The following SEMA3A variants were observed in gnomAD, a reference collection of about 807,000 sequenced individuals.
SEMA3A encodes the protein semaphorin 3A.
A neutral mutation model predicts 97.9 loss-of-function variants in SEMA3A; 29 were observed. That is an observed-to-expected ratio of 0.30 (90% confidence interval 0.22 to 0.40). The LOEUF (loss-of-function observed/expected upper bound fraction) is 0.40, where lower values mean the gene tolerates loss of function less well. Ranked by LOEUF, SEMA3A falls within the 10% of genes least tolerant of loss-of-function variation. The probability of loss-of-function intolerance (pLI) is 1.00; values close to 1 mark genes in which losing one functional copy is unlikely to be tolerated. For synonymous variants in SEMA3A, 321 were observed against 323.7 expected (o/e 0.99, Z 0.09); for missense variants, 763 against 951.3 (o/e 0.80, Z 2.60).
intron 12 of SEMA3A, among the ~76,000 whole-genome samples, chr7:83,996,161 T>G (rs1045770187): frequency 6.6e-6 from 1 of 152,140 alleles, no homozygotes; most frequent in Admixed American, 6.6e-5. Flanking sequence ...CTAGTTAAAA[T>G]AAAAATCAGC....
chr7:84,475,110 G>T (rs1024404535), intron 1 of SEMA3A, among the ~76,000 whole-genome samples: 1 of 152,104 alleles, frequency 6.6e-6, no homozygotes, highest in Non-Finnish European at 1.5e-5. Flanking sequence ...GGTCCCAGGA[G>T]TGCAGGGGCT....
intron 2 of SEMA3A, among the ~76,000 whole-genome samples, chr7:84,330,570 C>G (rs1384171225): frequency 6.6e-6 from 1 of 152,016 alleles, no homozygotes; most frequent in African/African-American, 2.4e-5. Flanking sequence ...ACATTTTCAT[C>G]TCTTATCACT....
chr7:84,244,010 T>A (rs1799424686), intron 3 of SEMA3A, among the ~76,000 whole-genome samples: 1 of 152,198 alleles, frequency 6.6e-6, no homozygotes, highest in South Asian at 2.1e-4. Context: ...GTGTTTTACT[T>A]CCAATAATGT....
At chr7:84,438,130 G>A (rs1018240809) in intron 1 of SEMA3A, among the ~76,000 whole-genome samples, 7 of 152,012 alleles carry the variant, frequency 4.6e-5, no homozygotes, top group African/African-American at 1.7e-4. Flanking sequence ...ATTACAAGGA[G>A]GTTAAATACT....
intron 3 of SEMA3A, among the ~76,000 whole-genome samples, chr7:84,274,466 A>C (rs1411605601): frequency 6.6e-6 from 1 of 152,146 alleles, no homozygotes; most frequent in Admixed American, 6.6e-5. Flanking sequence ...GAGAGGGAAC[A>C]CATTCCCAGG....
rs1204170653 is a variant in SEMA3A at position 84,313,352 on chromosome 7, GTGTGTATATATATATATATATATATA to G, written c.-168-6086_-168-6061del. On this transcript the variant is annotated intron_variant, in intron 2 of 3. Transcript: ENST00000424555. The stretch of plus-strand genomic sequence containing the variant: ...TACATATATATATATGTATATGTGT[GTGTGTATATATATATATATATATATA>G]TATATATATATATATATATATATAT... Among the ~76,000 whole-genome samples, 632 of 83,400 alleles carry G rather than the reference GTGTGTATATATATATATATATATATA, an allele frequency of 7.6e-3. 21 individuals carry two copies. The highest frequency in any genetic ancestry group is 0.015 in the Middle Eastern group (2 of 132). The allele number at this position is 83,400 out of a possible 152,430, so 54.7% of individuals were successfully genotyped here.
At chr7:84,297,503 T>G (rs115702907) in intron 3 of SEMA3A, among the ~76,000 whole-genome samples, 2 of 152,268 alleles carry the variant, frequency 1.3e-5, no homozygotes, top group African/African-American at 4.8e-5. Context: ...CCTAAAACTT[T>G]GAGGGTCTAC....
At chr7:84,116,755 A>T (rs1021452664) in intron 3 of SEMA3A, among the ~76,000 whole-genome samples, 1 of 152,172 alleles carries the variant, frequency 6.6e-6, no homozygotes, top group African/African-American at 2.4e-5. Flanking sequence ...TCTGCAAGCC[A>T]AAGAGAGGAG....
At chr7:84,456,560 A>G (rs1157099339) in intron 1 of SEMA3A, among the ~76,000 whole-genome samples, 2 of 151,828 alleles carry the variant, frequency 1.3e-5, no homozygotes, top group African/African-American at 2.4e-5. Flanking sequence ...AAAGATTTAC[A>G]TTTCGTAAAT....
At chr7:83,978,278 A>AAAG (rs1789250681) in intron 14 of SEMA3A, among the ~76,000 whole-genome samples, 1 of 152,238 alleles carries the variant, frequency 6.6e-6, no homozygotes, top group African/African-American at 2.4e-5. Context: ...AGAGAAAAGC[A>AAAG]AAGTTTGCTT....
At chr7:84,452,484 T>C (rs1414265751) in intron 1 of SEMA3A, among the ~76,000 whole-genome samples, 1 of 152,142 alleles carries the variant, frequency 6.6e-6, no homozygotes, top group Non-Finnish European at 1.5e-5. Flanking sequence ...ATTTTGTTAT[T>C]CCCAGAAACA....
chr7:84,450,138 AT>A (rs1307066031), intron 1 of SEMA3A, among the ~76,000 whole-genome samples: 1 of 151,994 alleles, frequency 6.6e-6, no homozygotes, highest in Non-Finnish European at 1.5e-5. Flanking sequence ...TTTATATTTA[AT>A]TTTTTTGGGA....
intron 1 of SEMA3A, among the ~76,000 whole-genome samples, chr7:84,450,435 C>T (rs1805526993): frequency 6.6e-6 from 1 of 152,170 alleles, no homozygotes. Flanking sequence ...ACAGGACCTT[C>T]TGCAACTCTT....
chr7:84,047,906 C>G (rs947841960), intron 5 of SEMA3A, among the ~76,000 whole-genome samples: 7 of 151,720 alleles, frequency 4.6e-5, no homozygotes, highest in Admixed American at 4.6e-4. Context: ...TTTGGTAGAA[C>G]CTTTGTCTCG....
intron 15 of SEMA3A, among the ~76,000 whole-genome samples, chr7:83,969,511 T>C (rs994755225): frequency 6.6e-6 from 1 of 152,214 alleles, no homozygotes; most frequent in Non-Finnish European, 1.5e-5. Context: ...GTTTGCTAAA[T>C]GGCAAATCCA....
chr7:84,022,242 A>G (rs529329936), intron 6 of SEMA3A, among the ~76,000 whole-genome samples: 3 of 152,312 alleles, frequency 2.0e-5, no homozygotes, highest in South Asian at 2.1e-4. Context: ...AGGTTTACCA[A>G]TATCTATTCA....
In SEMA3A at chr7:84,194,761, T is replaced by C; in HGVS notation, c.-175A>G. ...ACTAACACCTCTTCTTCTGTAACAGTCACTGAAGCACAGAAACTTCAAACC... is the reference window on the plus strand; with the variant it reads ...ACTAACACCTCTTCTTCTGTAACAGCCACTGAAGCACAGAAACTTCAAACC... On this transcript the variant is annotated 5_prime_UTR_variant, in exon 1 of 17. Coordinates refer to ENST00000265362, the MANE Select transcript of SEMA3A (RefSeq NM_006080.3). 1 of 384,148 alleles carries C rather than the reference T, an allele frequency of 2.6e-6. No homozygotes were observed. Among genetic ancestry groups the C allele is most frequent in the Non-Finnish European group, 4.5e-6 (1 of 221,954 alleles). The allele number at this position is 384,148 out of a possible 1,614,324, so 23.8% of individuals were successfully genotyped here. A position where few individuals can be genotyped will look rare whatever the true frequency, so the allele number is the denominator to read the frequency against.
intron 2 of SEMA3A, among the ~76,000 whole-genome samples, chr7:84,347,974 A>C (rs763585153): frequency 6.6e-6 from 1 of 152,146 alleles, no homozygotes; most frequent in Non-Finnish European, 1.5e-5. Flanking sequence ...GTACATTTGA[A>C]ATTGGTAAAT....
intron 1 of SEMA3A, among the ~76,000 whole-genome samples, chr7:84,416,771 ATTG>A (rs369365571): frequency 1.3e-5 from 2 of 152,130 alleles, no homozygotes; most frequent in African/African-American, 4.8e-5. Context: ...ATTTCAAAAA[ATTG>A]TTGTTCTCAA....
Sources: allele counts gnomAD v4.1 joint callset (sites outside exome capture counted in the v4.1 genomes callset), GRCh38; gene constraint gnomAD v4.1.1; transcripts MANE v1.5; gene names NCBI Gene and HGNC (gene_info 2026-07-23, HGNC 2026-07-21).